MEIS1: variants seen among roughly 807,000 people sequenced by gnomAD.
MEIS1 encodes the protein Meis homeobox 1, also known as homeobox protein Meis1.
In MEIS1, 5 loss-of-function variants were observed where a neutral mutation model predicts 50.8. That is an observed-to-expected ratio of 0.10 (90% CI 0.05 to 0.21). The LOEUF (loss-of-function observed/expected upper bound fraction) is 0.21, where lower values mean the gene tolerates loss of function less well. Among genes scored for constraint, MEIS1 ranks in the 10% least tolerant of loss-of-function variants. The probability of loss-of-function intolerance (pLI) is 1.00; values close to 1 mark genes in which losing one functional copy is unlikely to be tolerated. For missense variants in MEIS1, 318 were observed against 517.3 expected (o/e 0.61, Z 3.74); for synonymous variants, 176 against 179.3 (o/e 0.98, Z 0.15).
intron 7 of MEIS1, among the ~76,000 whole-genome samples, chr2:66,474,077 A>C (rs927211813): frequency 1.3e-4 from 19 of 148,688 alleles, no homozygotes; most frequent in Admixed American, 7.3e-4. Context: ...TGTTCAGTAC[A>C]TATGCAATCA....
At chr2:66,571,042 A>G in intron 12 of MEIS1, 1 of 564,398 alleles carries the variant, frequency 1.8e-6, no homozygotes, top group Non-Finnish European at 3.0e-6. Context: ...GTGACAATGA[A>G]AGGAAAATAG....
intron 7 of MEIS1, among the ~76,000 whole-genome samples, chr2:66,508,292 A>C (rs538543245): frequency 6.6e-6 from 1 of 152,314 alleles, no homozygotes; most frequent in Admixed American, 6.5e-5. Context: ...AGAGTAGCAA[A>C]GTACTGTAGC....
At chr2:66,514,945 G>C (rs1204684140) in intron 8 of MEIS1, among the ~76,000 whole-genome samples, 3 of 152,162 alleles carry the variant, frequency 2.0e-5, no homozygotes, top group South Asian at 2.1e-4. Context: ...AGAATCTAAA[G>C]AGAGTTTTGT....
At chr2:66,441,503 AC>A (rs1386928493) in intron 5 of MEIS1, 39 bp downstream of exon 5, 3 of 1,477,816 alleles carry the variant, frequency 2.0e-6, no homozygotes, top group Non-Finnish European at 2.7e-6. Context: ...CTTACCCCTT[AC>A]CCCCAAACAC....
At chr2:66,573,864 ACTGT>A (rs1171007038) in exon 13 of MEIS1, 5 of 151,912 alleles carry the variant, frequency 3.3e-5, no homozygotes, top group Non-Finnish European at 5.9e-5. Context: ...AACTTTATAA[ACTGT>A]CTATTTGCTC....
At chr2:66,545,944 T>C (rs1349936412) in intron 8 of MEIS1, among the ~76,000 whole-genome samples, 1 of 152,194 alleles carries the variant, frequency 6.6e-6, no homozygotes, top group Non-Finnish European at 1.5e-5. Context: ...TGCATCTGAG[T>C]GGAGAGTGTC....
chr2:66,545,502 T>G (rs1460069704), intron 8 of MEIS1, among the ~76,000 whole-genome samples: 2 of 152,206 alleles, frequency 1.3e-5, no homozygotes, highest in Non-Finnish European at 2.9e-5. Context: ...AGAAAAGTTG[T>G]CTGTTGTTCA....
intron 8 of MEIS1, among the ~76,000 whole-genome samples, chr2:66,524,352 C>T (rs774962033): frequency 2.6e-5 from 4 of 151,870 alleles, no homozygotes; most frequent in East Asian, 3.9e-4. Flanking sequence ...GCTTAAGCCC[C>T]GGAGTTCAAG....
intron 8 of MEIS1, among the ~76,000 whole-genome samples, chr2:66,532,611 A>G (rs1674421145): frequency 6.6e-6 from 1 of 152,048 alleles, no homozygotes; most frequent in Non-Finnish European, 1.5e-5. Flanking sequence ...AGTTGCCTTG[A>G]TGCCATGAAA....
chr2:66,567,404 C>T lies in MEIS1; in HGVS notation c.966-49C>T, dbSNP rs764704451. On this transcript the variant is annotated intron_variant, in intron 9 of 12. Transcript: ENST00000272369. Reference sequence around the variant, plus strand: ...TCATCTTTTCCTCTTCCTCAACCCCCCCTTTTATTTTTAAGGAATAACGAT... The same window carrying T: ...TCATCTTTTCCTCTTCCTCAACCCCTCCTTTTATTTTTAAGGAATAACGAT... 4 of 1,577,200 alleles carry T rather than the reference C, an allele frequency of 2.5e-6. No homozygotes were observed. The South Asian group carries it at 4.5e-5, about 18-fold the overall frequency.
At position 66,556,930 on chromosome 2, in the gene MEIS1, G is replaced by A. The variant is rs956307960; in HGVS notation, c.965+8911G>A. On this transcript the variant is annotated intron_variant, in intron 9 of 12. Coordinates refer to ENST00000272369, the MANE Select transcript of MEIS1 (RefSeq NM_002398.3). ...GACTTGGGGCGGGGTGGGAGGGGGC[G>A]CAGAGAGGGGGTAGCGGGGCACATA... 2.9e-4 allele frequency among the ~76,000 whole-genome samples: 44 copies of A among 151,234 alleles called. 1 individual carries two copies. The highest frequency in any genetic ancestry group is 9.5e-4 in the African/African-American group (39 of 41,064).
At chr2:66,565,652 C>G (rs1391320437) in intron 9 of MEIS1, among the ~76,000 whole-genome samples, 2 of 152,114 alleles carry the variant, frequency 1.3e-5, no homozygotes, top group Non-Finnish European at 1.5e-5. Context: ...TTAAAAATGT[C>G]TCTTCCTATT....
chr2:66,520,348 GTAGGCACCTA>G (rs1674084849), intron 8 of MEIS1, among the ~76,000 whole-genome samples: 1 of 150,956 alleles, frequency 6.6e-6, no homozygotes, highest in African/African-American at 2.4e-5. Flanking sequence ...GGGCTTGGTG[GTAGGCACCTA>G]TAGTCCCAGC....
chr2:66,437,727 T>G lies in MEIS1; in HGVS notation c.13-10T>G, dbSNP rs773291744. 8 of 1,613,414 alleles carry G rather than the reference T, an allele frequency of 5.0e-6. No homozygotes were observed. In the Admixed American group the frequency reaches 5.0e-5, roughly 10 times the overall value. On this transcript the variant is annotated splice_polypyrimidine_tract_variant and intron_variant, in intron 1 of 12. Transcript: ENST00000272369. The stretch of plus-strand genomic sequence containing the variant: ...TCCTGAACCTTCTTTCTCTCCTGTT[T>G]GTCATGCAGTACGACGATCTACCCC...
Position 66,441,093 on chromosome 2 carries a change from G to A in MEIS1, c.433-321G>A, listed in dbSNP as rs771638513. 71 of 375,708 alleles carry A rather than the reference G, an allele frequency of 1.9e-4. No individual in the cohort carries two copies. The Middle Eastern group carries it at 2.0e-3, about 11-fold the overall frequency. 23.3% of individuals were successfully genotyped at this position (375,708 alleles called of 1,614,324 possible). A position where few individuals can be genotyped will look rare whatever the true frequency, so the allele number is the denominator to read the frequency against. On this transcript the variant is annotated intron_variant, in intron 4 of 12. Transcript: ENST00000272369. Reference sequence around the variant, plus strand: ...TATTTTTCTGTCCACTCCTTCCAAGGACACATGTAGTCCAGTGTTGTGGCC... The same window carrying A: ...TATTTTTCTGTCCACTCCTTCCAAGAACACATGTAGTCCAGTGTTGTGGCC...
rs1671779530 is a variant in MEIS1, at chr2:66,435,596, A to G, written c.-261A>G. 4 of 389,364 alleles carry G rather than the reference A, an allele frequency of 1.0e-5. No individual in the cohort carries two copies. In the East Asian group the frequency reaches 1.1e-4, roughly 11 times the overall value. 24.1% of individuals were successfully genotyped at this position (389,364 alleles called of 1,614,324 possible). ...TAAACTGATTTTTGGGGGAGAGAAG[A>G]TCTGCTTTTTTTTGCCCCCGCTGCT... On this transcript the variant is annotated 5_prime_UTR_variant, in exon 1 of 13. Coordinates refer to ENST00000272369, the MANE Select transcript of MEIS1 (RefSeq NM_002398.3).
At position 66,571,274 on chromosome 2, in the gene MEIS1, AGCCCGGGGTG is replaced by A; in HGVS notation, c.*68_*77del. 6.3e-7 allele frequency: 1 copy of A among 1,594,276 alleles called. No homozygotes were observed. Among genetic ancestry groups the A allele is most frequent in the Non-Finnish European group, 8.5e-7 (1 of 1,170,270 alleles). On this transcript the variant is annotated 3_prime_UTR_variant, in exon 13 of 13. Transcript: ENST00000272369. The stretch of plus-strand genomic sequence containing the variant: ...TGCAAAGTATGCCAGGGGAGTATGT[AGCCCGGGGTG>A]GTCCAATGGGTGTGAGTATGGGACA...
In MEIS1 at chr2:66,571,339, C is replaced by T. The variant is rs1170071278; in HGVS notation, c.*131C>T. 3 of 1,599,586 alleles carry T rather than the reference C, an allele frequency of 1.9e-6. No individual in the cohort carries two copies. Among genetic ancestry groups the T allele is most frequent in the Middle Eastern group, 3.3e-4 (2 of 6,048 alleles). On this transcript the variant is annotated 3_prime_UTR_variant, in exon 13 of 13. Transcript: ENST00000272369. ...AGTTATACCCAACCCCAGATGCCCC[C>T]CCATCCTGCTCAGCTGCGTCATGGG...
intron 8 of MEIS1, among the ~76,000 whole-genome samples, chr2:66,525,470 T>C (rs1204895187): frequency 6.6e-6 from 1 of 152,180 alleles, no homozygotes; most frequent in African/African-American, 2.4e-5. Context: ...GTTTTTCTCT[T>C]TGATTTTTAT....
Sources: gnomAD v4.1 joint callset for allele counts (sites outside exome capture counted in the v4.1 genomes callset) on GRCh38, gnomAD v4.1.1 for gene constraint, MANE v1.5 for transcripts, NCBI Gene and HGNC (gene_info 2026-07-23, HGNC 2026-07-21) for gene names.